SYN3: variants seen among roughly 807,000 people sequenced by gnomAD.
SYN3 encodes the protein synapsin-3.
A neutral mutation model predicts 65.8 loss-of-function variants in SYN3; 35 were observed. The observed-to-expected ratio is 0.53, with a 90% CI of 0.41 to 0.70. The LOEUF is 0.70. Ranked by LOEUF, SYN3 falls within the 30% of genes least tolerant of loss-of-function variation. SYN3 has a pLI of 0.00. For missense variants in SYN3, 680 were observed against 749.0 expected (o/e 0.91, Z 1.08); for synonymous variants, 270 against 292.9 (o/e 0.92, Z 0.80).
intron 6 of SYN3, among the ~76,000 whole-genome samples, chr22:32,822,296 GC>G (rs1303183467): frequency 2.6e-5 from 4 of 152,092 alleles, no homozygotes; most frequent in African/African-American, 9.7e-5. Context: ...CATTTCCCCT[GC>G]ATGCCCTGCG....
At chr22:32,768,595 G>A (rs961073273) in intron 6 of SYN3, among the ~76,000 whole-genome samples, 1 of 152,058 alleles carries the variant, frequency 6.6e-6, no homozygotes, top group Non-Finnish European at 1.5e-5. Context: ...TCAAATATAT[G>A]TTCAAAACAA....
intron 3 of SYN3, among the ~76,000 whole-genome samples, chr22:32,963,243 T>TC (rs1491107640): frequency 8.9e-6 from 1 of 112,182 alleles, no homozygotes; most frequent in Non-Finnish European, 1.7e-5. Context: ...GCCTGGCTAA[T>TC]TTTTTTTTTT....
intron 6 of SYN3, among the ~76,000 whole-genome samples, chr22:32,793,735 A>G (rs189008502): frequency 2.6e-5 from 4 of 152,372 alleles, no homozygotes; most frequent in Admixed American, 2.6e-4. Context: ...ATGTCAGTGG[A>G]GAATTCATGA....
intron 3 of SYN3, among the ~76,000 whole-genome samples, chr22:32,938,511 C>G (rs2050840290): frequency 7.2e-6 from 1 of 139,218 alleles, no homozygotes; most frequent in Admixed American, 7.6e-5. Flanking sequence ...GCCTGGGCAA[C>G]AGAGTGAGAC....
chr22:32,805,028 T>C (rs137943032), intron 6 of SYN3, among the ~76,000 whole-genome samples: 118 of 5,172 alleles, frequency 0.023, no homozygotes, highest in African/African-American at 0.057. Flanking sequence ...CGTGTGTGCG[T>C]GTGTGTGTGT....
intron 8 of SYN3, among the ~76,000 whole-genome samples, chr22:32,539,716 GGTAA>G (rs1482863075): frequency 2.0e-5 from 3 of 151,612 alleles, no homozygotes; most frequent in Non-Finnish European, 2.9e-5. Context: ...CAGGAAACTC[GGTAA>G]GTAATGACAA....
chr22:32,751,501 T>G (rs1437136682), intron 6 of SYN3, among the ~76,000 whole-genome samples: 1 of 152,120 alleles, frequency 6.6e-6, no homozygotes, highest in Non-Finnish European at 1.5e-5. Context: ...ACAGCTCTCT[T>G]GGGCAAGGTG....
intron 1 of SYN3, among the ~76,000 whole-genome samples, chr22:33,047,112 T>A (rs1037340016): frequency 3.3e-5 from 5 of 152,202 alleles, no homozygotes; most frequent in Non-Finnish European, 7.3e-5. Context: ...TAATAGTATC[T>A]ATAATAGTAT....
intron 6 of SYN3, among the ~76,000 whole-genome samples, chr22:32,680,727 T>A (rs935903791): frequency 6.6e-6 from 1 of 152,222 alleles, no homozygotes; most frequent in African/African-American, 2.4e-5. Context: ...CAAGTCCAAC[T>A]CCATTCATTA....
chr22:32,936,639 A>AC (rs1190563407), intron 3 of SYN3, among the ~76,000 whole-genome samples: 2 of 152,186 alleles, frequency 1.3e-5, no homozygotes, highest in African/African-American at 4.8e-5. Flanking sequence ...GAATCCACAG[A>AC]GCTGGGAAGA....
At chr22:32,648,665 C>A (rs1292928706) in intron 6 of SYN3, among the ~76,000 whole-genome samples, 1 of 152,196 alleles carries the variant, frequency 6.6e-6, no homozygotes, top group Non-Finnish European at 1.5e-5. Flanking sequence ...GGTTGATTAA[C>A]CTCTCAAAGC....
chr22:32,980,986 C>T (rs1005302187), intron 2 of SYN3, among the ~76,000 whole-genome samples: 5 of 151,882 alleles, frequency 3.3e-5, no homozygotes, highest in Non-Finnish European at 5.9e-5. Context: ...TCCCGAGTAG[C>T]TGGGATTACA....
At chr22:32,935,732 G>A (rs553105768) in intron 3 of SYN3, among the ~76,000 whole-genome samples, 52 of 152,212 alleles carry the variant, frequency 3.4e-4, no homozygotes, top group Non-Finnish European at 5.3e-4. Flanking sequence ...GATTACAGGC[G>A]TGAGCCACTG....
intron 1 of SYN3, among the ~76,000 whole-genome samples, chr22:33,024,291 G>A (rs1046555433): frequency 5.3e-5 from 8 of 152,162 alleles, no homozygotes; most frequent in Non-Finnish European, 7.3e-5. Context: ...CTTTTTTAAT[G>A]TAAGCATCAA....
At position 32,869,514 on chromosome 22, in the gene SYN3, C is replaced by G. The variant is rs73401506; in HGVS notation, c.462-389G>C. Among the ~76,000 whole-genome samples the G allele has an allele frequency of 8.8e-3, 1,342 of 151,936 alleles. 26 individuals are homozygous for G. Among genetic ancestry groups the G allele is most frequent in the African/African-American group, 0.031 (1,291 of 41,466 alleles). ...ATTATCCATGGTGAGGACAACTGCC[C>G]TAGGAGGTGAGGGTTGTCATCAACT... On this transcript the variant is annotated intron_variant, in intron 4 of 13. Coordinates refer to ENST00000358763, the MANE Select transcript of SYN3 (RefSeq NM_003490.4).
intron 1 of SYN3, 36 bp downstream of exon 1, chr22:33,058,256 C>T (rs2054285369): frequency 6.6e-6 from 1 of 152,098 alleles, no homozygotes. Context: ...TGTCAGAAAC[C>T]CCACAAAGTC....
At chr22:32,630,971 G>A (rs1469414918) in intron 6 of SYN3, among the ~76,000 whole-genome samples, 1 of 152,166 alleles carries the variant, frequency 6.6e-6, no homozygotes, top group Non-Finnish European at 1.5e-5. Context: ...CAACCCTAAT[G>A]CTAACCTCAG....
intron 6 of SYN3, among the ~76,000 whole-genome samples, chr22:32,685,095 C>T (rs2060572742): frequency 1.3e-5 from 2 of 152,174 alleles, no homozygotes; most frequent in African/African-American, 4.8e-5. Context: ...AGGTGACAGA[C>T]TTTATGGCCG....
In SYN3 at chr22:33,021,369, C is replaced by T. The variant is rs1286624641; in HGVS notation, c.-162-14545G>A. Reference sequence around the variant, plus strand: ...GTGTATAGTTCTATGAGTTTTAGCACATTCAGGGAACCACCACTACCAAGA... The same window carrying T: ...GTGTATAGTTCTATGAGTTTTAGCATATTCAGGGAACCACCACTACCAAGA... On this transcript the variant is annotated intron_variant, in intron 1 of 13. Coordinates refer to ENST00000358763, the MANE Select transcript of SYN3 (RefSeq NM_003490.4). Among the ~76,000 whole-genome samples, 2 of 152,188 alleles carry T rather than the reference C, an allele frequency of 1.3e-5. 1 individual carries two copies. Among genetic ancestry groups the T allele is most frequent in the Non-Finnish European group, 2.9e-5 (2 of 68,032 alleles).
Sources: gnomAD v4.1 joint callset for allele counts (sites outside exome capture counted in the v4.1 genomes callset) on GRCh38, gnomAD v4.1.1 for gene constraint, MANE v1.5 for transcripts, NCBI Gene and HGNC (gene_info 2026-07-23, HGNC 2026-07-21) for gene names.